ENTREP2: variants seen among roughly 807,000 people sequenced by gnomAD.
The protein encoded by ENTREP2 is endosomal transmembrane epsin interactor 2.
At chr15:29,392,203 C>A in the ENTREP2 span, among the ~76,000 whole-genome samples, 54 of 152,154 alleles carry the variant, frequency 3.5e-4, no homozygotes, top group African/African-American at 1.3e-3. Context: ...ACCTTGTGAT[C>A]CACCCGCCTC....
At chr15:29,662,721 CT>C in the ENTREP2 span, among the ~76,000 whole-genome samples, 34 of 151,870 alleles carry the variant, frequency 2.2e-4, no homozygotes, top group African/African-American at 7.7e-4. Flanking sequence ...GATTCTTTTT[CT>C]TTTTTTTCTT....
chr15:29,639,417 C>T, the ENTREP2 span, among the ~76,000 whole-genome samples: 4 of 152,116 alleles, frequency 2.6e-5, no homozygotes, highest in Admixed American at 6.5e-5. Flanking sequence ...AAAAGTCAGA[C>T]GTAACAATTA....
chr15:29,349,396 T>C, the ENTREP2 span, among the ~76,000 whole-genome samples: 1 of 152,176 alleles, frequency 6.6e-6, no homozygotes, highest in Admixed American at 6.5e-5. Context: ...TGCATACAAA[T>C]TGGCATCAAT....
chr15:29,395,218 T>C, the ENTREP2 span, among the ~76,000 whole-genome samples: 1 of 151,892 alleles, frequency 6.6e-6, no homozygotes, highest in Non-Finnish European at 1.5e-5. Flanking sequence ...AATAGTATTC[T>C]GTACGTATAG....
At chr15:29,160,601 C>G in the ENTREP2 span, among the ~76,000 whole-genome samples, 6 of 149,962 alleles carry the variant, frequency 4.0e-5, no homozygotes, top group Admixed American at 2.7e-4. Context: ...CCCAGCTACT[C>G]AGGAGGCTGA....
At chr15:29,157,893 C>T in the ENTREP2 span, among the ~76,000 whole-genome samples, 1 of 152,158 alleles carries the variant, frequency 6.6e-6, no homozygotes, top group South Asian at 2.1e-4. Context: ...CCACGCCCAG[C>T]TGATTTTTGT....
the ENTREP2 span, among the ~76,000 whole-genome samples, chr15:29,321,371 T>A: frequency 6.6e-6 from 1 of 152,054 alleles, no homozygotes; most frequent in Non-Finnish European, 1.5e-5. Context: ...AAAAAGAGGC[T>A]GGGCGCGGTG....
chr15:29,645,113 C>T, the ENTREP2 span, among the ~76,000 whole-genome samples: 1 of 152,278 alleles, frequency 6.6e-6, no homozygotes, highest in Middle Eastern at 3.4e-3. Flanking sequence ...ACACCAAATA[C>T]ACACTATAGC....
At chr15:29,161,359 A>C in the ENTREP2 span, among the ~76,000 whole-genome samples, 1 of 152,206 alleles carries the variant, frequency 6.6e-6, no homozygotes, top group South Asian at 2.1e-4. Flanking sequence ...GGCCCTTAGC[A>C]TCACCCTGAG....
At chr15:29,287,523 A>G in the ENTREP2 span, among the ~76,000 whole-genome samples, 23 of 152,200 alleles carry the variant, frequency 1.5e-4, no homozygotes, top group African/African-American at 4.8e-4. Flanking sequence ...ACTCAATCAC[A>G]ATACCACACA....
the ENTREP2 span, among the ~76,000 whole-genome samples, chr15:29,492,369 C>T: frequency 6.6e-6 from 1 of 152,236 alleles, no homozygotes; most frequent in East Asian, 1.9e-4. Context: ...TAGTGGGAAA[C>T]ACCTTGGTCT....
At chr15:29,492,864 C>T in the ENTREP2 span, among the ~76,000 whole-genome samples, 32 of 151,598 alleles carry the variant, frequency 2.1e-4, 1 homozygote, top group East Asian at 2.2e-3. Context: ...ATTAGCCAGG[C>T]GTGGTGGCGG....
chr15:29,157,854 C>T, the ENTREP2 span, among the ~76,000 whole-genome samples: 20 of 152,014 alleles, frequency 1.3e-4, no homozygotes, highest in Middle Eastern at 3.4e-3. Context: ...CTCAGCCTCC[C>T]GAGTAGCTGG....
chr15:29,264,973 T>C, the ENTREP2 span: 1 of 152,144 alleles, frequency 6.6e-6, no homozygotes. Context: ...CCAAATTATA[T>C]GCCCCAAAAA....
At chr15:29,424,379 G>A in the ENTREP2 span, among the ~76,000 whole-genome samples, 27 of 152,096 alleles carry the variant, frequency 1.8e-4, no homozygotes, top group Non-Finnish European at 3.7e-4. Context: ...CCCTTTTACA[G>A]AGTGCTGATT....
chr15:29,150,721 G>GTAA, the ENTREP2 span, among the ~76,000 whole-genome samples: 2 of 152,122 alleles, frequency 1.3e-5, no homozygotes, highest in Non-Finnish European at 2.9e-5. Context: ...TAACGTCTTG[G>GTAA]TAATGATGCT....
chr15:29,333,529 G>C, the ENTREP2 span, among the ~76,000 whole-genome samples: 1 of 152,100 alleles, frequency 6.6e-6, no homozygotes, highest in Non-Finnish European at 1.5e-5. Flanking sequence ...CCCGGCTTTG[G>C]GGGGACACGT....
the ENTREP2 span, among the ~76,000 whole-genome samples, chr15:29,390,499 G>A: frequency 6.6e-6 from 1 of 152,206 alleles, no homozygotes; most frequent in East Asian, 1.9e-4. Flanking sequence ...AGCACCATGA[G>A]TTGTCACAAG....
At chr15:29,134,160 A>T in the ENTREP2 span, among the ~76,000 whole-genome samples, 1 of 152,172 alleles carries the variant, frequency 6.6e-6, no homozygotes, top group Non-Finnish European at 1.5e-5. Context: ...GATAACATTG[A>T]TTTGAATTAT....
Sources: allele counts gnomAD v4.1 joint callset (sites outside exome capture counted in the v4.1 genomes callset), GRCh38; gene constraint gnomAD v4.1.1; transcripts MANE v1.5; gene names NCBI Gene and HGNC (gene_info 2026-07-23, HGNC 2026-07-21).